PDE1A: variants seen among roughly 807,000 people sequenced by gnomAD.
PDE1A encodes dual specificity calcium/calmodulin-dependent 3',5'-cyclic nucleotide phosphodiesterase 1A.
In PDE1A, 35 loss-of-function variants were observed where a neutral mutation model predicts 61.7. The observed-to-expected ratio is 0.57, with a 90% CI of 0.43 to 0.75. PDE1A has a LOEUF of 0.75. Among genes scored for constraint, PDE1A ranks in the 30% least tolerant of loss-of-function variants. PDE1A has a pLI of 0.00. For missense variants in PDE1A, 597 were observed against 630.6 expected (o/e 0.95, Z 0.57); for synonymous variants, 232 against 213.2 (o/e 1.09, Z -0.77).
chr2:182,268,896 A>ACTT (rs1559276732), intron 1 of PDE1A, among the ~76,000 whole-genome samples: 1 of 152,092 alleles, frequency 6.6e-6, no homozygotes. Context: ...TATAATTTCA[A>ACTT]CTTTTTGATA....
chr2:182,496,403 T>A (rs1688716610), intron 2 of PDE1A, among the ~76,000 whole-genome samples: 1 of 152,224 alleles, frequency 6.6e-6, no homozygotes, highest in Non-Finnish European at 1.5e-5. Context: ...ATTATTTTCT[T>A]AACGAAAAGA....
At chr2:182,570,098 A>T in the PDE1A span, among the ~76,000 whole-genome samples, 2 of 152,172 alleles carry the variant, frequency 1.3e-5, no homozygotes, top group African/African-American at 4.8e-5. Flanking sequence ...GGGGACACAA[A>T]ATTGTCTCTA....
chr2:182,624,839 C>G, the PDE1A span, among the ~76,000 whole-genome samples: 7 of 152,164 alleles, frequency 4.6e-5, no homozygotes, highest in Admixed American at 1.3e-4. Flanking sequence ...TTCAAATTAG[C>G]CAGTCCACAG....
At chr2:182,407,128 A>G (rs990794650) in intron 1 of PDE1A, among the ~76,000 whole-genome samples, 4 of 152,202 alleles carry the variant, frequency 2.6e-5, no homozygotes, top group African/African-American at 9.6e-5. Context: ...CGTCTTAAAT[A>G]TAAGTTTGGC....
upstream of PDE1A, chr2:182,523,044 C>T (rs1690659527): frequency 6.6e-6 from 1 of 152,072 alleles, no homozygotes; most frequent in Non-Finnish European, 1.5e-5. Context: ...AACACAGCTC[C>T]ACAGGTTGTT....
At chr2:182,438,147 T>C (rs1684560747) in intron 2 of PDE1A, among the ~76,000 whole-genome samples, 1 of 151,942 alleles carries the variant, frequency 6.6e-6, no homozygotes, top group Non-Finnish European at 1.5e-5. Context: ...CAAGTATCCC[T>C]GAGCTGGTAA....
At chr2:182,324,180 G>T (rs925095079) in intron 1 of PDE1A, among the ~76,000 whole-genome samples, 2 of 152,002 alleles carry the variant, frequency 1.3e-5, no homozygotes, top group African/African-American at 2.4e-5. Flanking sequence ...GATAGGAAAA[G>T]AAGTATTATT....
rs774616545 is a variant in PDE1A, at chr2:182,201,814, G to A, written c.903-25C>T. 25 of 1,415,412 alleles carry A rather than the reference G, an allele frequency of 1.8e-5. No homozygotes were observed. In the South Asian group the frequency reaches 2.0e-4, roughly 11 times the overall value. The allele number at this position is 1,415,412 out of a possible 1,614,324, so 87.7% of individuals were successfully genotyped here. A position where few individuals can be genotyped will look rare whatever the true frequency, so the allele number is the denominator to read the frequency against. ...CCTGCAGAGTCACCAAAAGGAGAAA[G>A]GTTCATTCAGCCATTTATTGTTCTG... On this transcript the variant is annotated intron_variant, in intron 8 of 13. Transcript: ENST00000351439.
intron 2 of PDE1A, among the ~76,000 whole-genome samples, chr2:182,460,470 C>T (rs1046996867): frequency 5.9e-5 from 9 of 152,158 alleles, no homozygotes; most frequent in Non-Finnish European, 1.2e-4. Flanking sequence ...AACTCCTGGG[C>T]TCAAAGAATC....
At chr2:182,155,366 G>C (rs560266910) in intron 13 of PDE1A, among the ~76,000 whole-genome samples, 1 of 152,044 alleles carries the variant, frequency 6.6e-6, no homozygotes, top group South Asian at 2.1e-4. Flanking sequence ...TGGGATTACG[G>C]GCATGAGCCA....
the PDE1A span, among the ~76,000 whole-genome samples, chr2:182,555,771 GCCTGGCCGACATGATGAAACC>G: frequency 6.6e-6 from 1 of 151,884 alleles, no homozygotes; most frequent in African/African-American, 2.4e-5. Flanking sequence ...TTGGAGACCA[GCCTGGCCGACATGATGAAACC>G]CCTGTCTCTA....
chr2:182,462,451 G>T (rs561227849), intron 2 of PDE1A, among the ~76,000 whole-genome samples: 5 of 151,966 alleles, frequency 3.3e-5, no homozygotes, highest in Non-Finnish European at 7.4e-5. Flanking sequence ...GTGTTTAACA[G>T]TCTGTTAGGT....
At chr2:182,259,410 T>C (rs1182266431) in intron 2 of PDE1A, among the ~76,000 whole-genome samples, 1 of 152,252 alleles carries the variant, frequency 6.6e-6, no homozygotes, top group Non-Finnish European at 1.5e-5. Context: ...TCATGTGTTA[T>C]GTATCCCAGA....
In PDE1A at chr2:182,266,737, C is replaced by T. The variant is rs533483178; in HGVS notation, c.54-2323G>A. Reference sequence around the variant, plus strand: ...GTTCTTTGGAGAGAGCTAACTGTACCGGAAGGAGTTCTCTTGCTGTCTGGA... The same window carrying T: ...GTTCTTTGGAGAGAGCTAACTGTACTGGAAGGAGTTCTCTTGCTGTCTGGA... On this transcript the variant is annotated intron_variant, in intron 1 of 13. Coordinates refer to ENST00000351439, the Ensembl canonical transcript of PDE1A. Among the ~76,000 whole-genome samples, 64 of 152,196 alleles carry T rather than the reference C, an allele frequency of 4.2e-4. 1 individual carries two copies. In the South Asian group the frequency reaches 0.011, roughly 27 times the overall value.
At chr2:182,590,215 C>A in the PDE1A span, among the ~76,000 whole-genome samples, 1 of 152,146 alleles carries the variant, frequency 6.6e-6, no homozygotes, top group Non-Finnish European at 1.5e-5. Context: ...CCTATAATCT[C>A]AGCAATTTAA....
chr2:182,450,345 G>C (rs1685427691), intron 2 of PDE1A, among the ~76,000 whole-genome samples: 1 of 152,068 alleles, frequency 6.6e-6, no homozygotes, highest in African/African-American at 2.4e-5. Flanking sequence ...GTGCCACATT[G>C]AGCTAGAAAG....
At chr2:182,229,876 A>G in intron 6 of PDE1A, 130 bp downstream of exon 6, 4 of 546,694 alleles carry the variant, frequency 7.3e-6, no homozygotes, top group Non-Finnish European at 1.2e-5. Context: ...AAAAATCCAA[A>G]CAATTATTCT....
chr2:182,609,463 C>T, the PDE1A span, among the ~76,000 whole-genome samples: 2 of 152,246 alleles, frequency 1.3e-5, no homozygotes, highest in Admixed American at 1.3e-4. Flanking sequence ...TGGGTCCACA[C>T]TTCCTTTATG....
chr2:182,428,438 A>G (rs1375863569), upstream of PDE1A, among the ~76,000 whole-genome samples: 3 of 152,126 alleles, frequency 2.0e-5, no homozygotes, highest in Non-Finnish European at 4.4e-5. Flanking sequence ...ATAAATAAAA[A>G]GATGATTTTA....
Sources: gnomAD v4.1 joint callset for allele counts (sites outside exome capture counted in the v4.1 genomes callset) on GRCh38, gnomAD v4.1.1 for gene constraint, MANE v1.5 for transcripts, NCBI Gene and HGNC (gene_info 2026-07-23, HGNC 2026-07-21) for gene names.